The following AJAP1 variants were observed in gnomAD, a reference collection of about 807,000 sequenced individuals.
AJAP1 encodes the protein adherens junctions associated protein 1.
AJAP1 carries 5 observed loss-of-function variants against 35.0 expected under a neutral mutation model. The ratio of observed to expected loss-of-function variants is 0.14; its 90% confidence interval spans 0.07 to 0.30. AJAP1 has a LOEUF of 0.30. AJAP1 is among the 10% of genes least tolerant of loss of function. The probability of loss-of-function intolerance (pLI) is 1.00; values close to 1 mark genes in which losing one functional copy is unlikely to be tolerated. For synonymous variants in AJAP1, 284 were observed against 249.3 expected, an observed-to-expected ratio of 1.14 and a Z score of -1.31; for missense variants, 586 against 571.0, an observed-to-expected ratio of 1.03 and a Z score of -0.27.
chr1:4,680,041 GA>G (rs1190607923), intron 1 of AJAP1, among the ~76,000 whole-genome samples: 1 of 152,178 alleles, frequency 6.6e-6, no homozygotes, highest in Non-Finnish European at 1.5e-5. Flanking sequence ...TGAGACTCAA[GA>G]AGAGCTGATG....
At chr1:4,687,294 TG>T (rs1264372505) in intron 1 of AJAP1, among the ~76,000 whole-genome samples, 2 of 152,184 alleles carry the variant, frequency 1.3e-5, no homozygotes, top group Non-Finnish European at 2.9e-5. Flanking sequence ...AAGCCGTGGA[TG>T]GGTTTCCACA....
intron 2 of AJAP1, among the ~76,000 whole-genome samples, chr1:4,735,880 C>T (rs539931217): frequency 5.3e-5 from 8 of 152,362 alleles, no homozygotes; most frequent in Non-Finnish European, 1.2e-4. Context: ...CCCTGGGGCC[C>T]GCCTCCTGAG....
intron 1 of AJAP1, among the ~76,000 whole-genome samples, chr1:4,658,807 C>T (rs952017234): frequency 1.3e-5 from 2 of 152,158 alleles, no homozygotes; most frequent in Non-Finnish European, 2.9e-5. Flanking sequence ...AGCAGGGCAA[C>T]GCAGCTCAGG....
At chr1:4,690,697 G>A (rs976512514) in intron 1 of AJAP1, among the ~76,000 whole-genome samples, 2 of 152,116 alleles carry the variant, frequency 1.3e-5, no homozygotes, top group Non-Finnish European at 2.9e-5. Flanking sequence ...TTACAGATGG[G>A]GACACAAAGC....
chr1:4,783,471 G>GTATATATATATATATA lies in AJAP1; in HGVS notation c.*1010_*1025dup, dbSNP rs70957905. The GTATATATATATATATA allele has an allele frequency of 3.5e-5, 2 of 57,796 alleles. No homozygotes were observed. Among genetic ancestry groups the GTATATATATATATATA allele is most frequent in the Non-Finnish European group, 3.3e-5 (1 of 30,042 alleles). 3.6% of individuals were successfully genotyped at this position (57,796 alleles called of 1,614,324 possible). On this transcript the variant is annotated 3_prime_UTR_variant, in exon 6 of 6. Coordinates refer to ENST00000378191, the MANE Select transcript of AJAP1 (RefSeq NM_018836.4). ...ATGCCAAGGTTTTATATATGTGTGT[G>GTATATATATATATATA]TATATATATATATATATATATATAT... is the stretch of plus-strand genomic sequence containing the variant.
At chr1:4,762,686 T>G (rs1342533211) in intron 2 of AJAP1, among the ~76,000 whole-genome samples, 5 of 152,196 alleles carry the variant, frequency 3.3e-5, no homozygotes, top group Admixed American at 3.3e-4. Context: ...AAGAATATAA[T>G]GGCTTTCTGA....
At chr1:4,772,153 A>G in intron 3 of AJAP1, 127 bp from the exon 4 acceptor site, 1 of 1,189,534 alleles carries the variant, frequency 8.4e-7, no homozygotes, top group Non-Finnish European at 1.2e-6. Context: ...GCTGGGAATT[A>G]CCGTTTAATA....
At chr1:4,760,502 G>C (rs1456445859) in intron 2 of AJAP1, among the ~76,000 whole-genome samples, 1 of 152,120 alleles carries the variant, frequency 6.6e-6, no homozygotes. Context: ...TTCTGCTCCG[G>C]AGAAGGTGCT....
In AJAP1 at chr1:4,791,775, C is replaced by T. The variant is rs1642251883; in HGVS notation, c.*9290C>T. On this transcript the variant is annotated 3_prime_UTR_variant, in exon 6 of 6. Coordinates refer to ENST00000378191, the MANE Select transcript of AJAP1 (RefSeq NM_018836.4). ...CCATGGGGCATCTGTCTAAGAGTCACAGATCTGAGAAATAGAAGGACCAGG... is the reference window on the plus strand; with the variant it reads ...CCATGGGGCATCTGTCTAAGAGTCATAGATCTGAGAAATAGAAGGACCAGG... 1 of 152,214 alleles carries T rather than the reference C, an allele frequency of 6.6e-6. No homozygotes were observed. The highest frequency in any genetic ancestry group is 2.4e-5 in the African/African-American group (1 of 41,458). 9.4% of individuals were successfully genotyped at this position (152,214 alleles called of 1,614,324 possible).
At chr1:4,727,618 G>T (rs1446695063) in intron 2 of AJAP1, among the ~76,000 whole-genome samples, 1 of 152,192 alleles carries the variant, frequency 6.6e-6, no homozygotes, top group Non-Finnish European at 1.5e-5. Context: ...AGACCCTGAG[G>T]TGGACCTGGG....
At chr1:4,748,747 CAAAAAAAAAAAAA>C (rs70955802) in intron 2 of AJAP1, among the ~76,000 whole-genome samples, 1 of 98,302 alleles carries the variant, frequency 1.0e-5, no homozygotes, top group Non-Finnish European at 2.0e-5. Flanking sequence ...GACTCTGTCT[CAAAAAAAAAAAAA>C]AAAAAAAAAA....
At chr1:4,672,111 C>T (rs192326805) in intron 1 of AJAP1, among the ~76,000 whole-genome samples, 15 of 152,236 alleles carry the variant, frequency 9.9e-5, no homozygotes, top group South Asian at 2.1e-4. Context: ...GCTGTCTCCC[C>T]GGGGTGTGTA....
intron 2 of AJAP1, among the ~76,000 whole-genome samples, chr1:4,738,976 G>A (rs1316227906): frequency 6.6e-6 from 1 of 152,106 alleles, no homozygotes. Flanking sequence ...GGGCACATCT[G>A]GGGGTTTGGA....
chr1:4,774,555 C>G lies in AJAP1; in HGVS notation c.*56C>G. On this transcript the variant is annotated 3_prime_UTR_variant, in exon 5 of 6. Transcript: ENST00000378191. ...CAGGGCAGACGCCGTGTGTCTGTTT[C>G]ACGGTAGGTACCTCTCTTTGGACAT... 1 of 1,523,264 alleles carries G rather than the reference C, an allele frequency of 6.6e-7. No homozygotes were observed. The highest frequency in any genetic ancestry group is 2.3e-5 in the East Asian group (1 of 44,432). 94.4% of individuals were successfully genotyped at this position (1,523,264 alleles called of 1,614,324 possible). A position where few individuals can be genotyped will look rare whatever the true frequency, so the allele number is the denominator to read the frequency against.
At chr1:4,661,770 G>A (rs1257679900) in intron 1 of AJAP1, among the ~76,000 whole-genome samples, 1 of 152,122 alleles carries the variant, frequency 6.6e-6, no homozygotes, top group Non-Finnish European at 1.5e-5. Flanking sequence ...AGTCTCTCTG[G>A]TACCCATGAT....
At chr1:4,658,463 A>G (rs1638931005) in intron 1 of AJAP1, among the ~76,000 whole-genome samples, 1 of 152,356 alleles carries the variant, frequency 6.6e-6, no homozygotes, top group South Asian at 2.1e-4. Flanking sequence ...TAGCGGATGA[A>G]GTCAAACGCG....
rs1311622617 is a variant in AJAP1, at chr1:4,683,975, C to A, written c.30-27925C>A. Among the ~76,000 whole-genome samples the A allele has an allele frequency of 2.6e-5, 4 of 152,022 alleles. No homozygotes were observed. The South Asian group carries it at 8.3e-4, about 32-fold the overall frequency. On this transcript the variant is annotated intron_variant, in intron 1 of 5. Coordinates refer to ENST00000378191, the MANE Select transcript of AJAP1 (RefSeq NM_018836.4). ...ATTCATAAGACACAGACACACAGGGCAGGGTGAGAGGGAGGCATGAAGAAT... is the reference window on the plus strand; with the variant it reads ...ATTCATAAGACACAGACACACAGGGAAGGGTGAGAGGGAGGCATGAAGAAT...
intron 1 of AJAP1, among the ~76,000 whole-genome samples, chr1:4,679,940 G>A (rs558060256): frequency 1.2e-4 from 18 of 152,170 alleles, no homozygotes; most frequent in African/African-American, 4.3e-4. Context: ...GGAGACCCAG[G>A]AGAGCTGATG....
intron 5 of AJAP1, among the ~76,000 whole-genome samples, chr1:4,776,018 T>C (rs1641933314): frequency 1.3e-5 from 2 of 152,140 alleles, no homozygotes; most frequent in South Asian, 4.1e-4. Flanking sequence ...CTGTTATGAT[T>C]TTTAAAATTT....
Sources: gnomAD v4.1 joint callset for allele counts (sites outside exome capture counted in the v4.1 genomes callset) on GRCh38, gnomAD v4.1.1 for gene constraint, MANE v1.5 for transcripts, NCBI Gene and HGNC (gene_info 2026-07-23, HGNC 2026-07-21) for gene names.